CFAP91: variants seen among roughly 807,000 people sequenced by gnomAD.
CFAP91 encodes cilia- and flagella-associated protein 91.
A neutral mutation model predicts 95.9 loss-of-function variants in CFAP91; 85 were observed. The ratio of observed to expected loss-of-function variants is 0.89; its 90% CI spans 0.74 to 1.06. The LOEUF (loss-of-function observed/expected upper bound fraction) is 1.06. Ranked by LOEUF, CFAP91 falls within the 50% of genes least tolerant of loss-of-function variation. The probability of loss-of-function intolerance (pLI) is 0.00; values close to 1 mark genes in which losing one functional copy is unlikely to be tolerated. For missense variants in CFAP91, 962 were observed against 943.4 expected, an observed-to-expected ratio of 1.02 and a Z score of -0.26; for synonymous variants, 335 against 327.5, an observed-to-expected ratio of 1.02 and a Z score of -0.25.
Position 119,730,062 on chromosome 3 carries a change from C to T in CFAP91, c.861-158C>T, listed in dbSNP as rs145757035. 1.1e-3 allele frequency among the ~76,000 whole-genome samples: 170 copies of T among 152,308 alleles called. 1 individual carries two copies. Among genetic ancestry groups the T allele is most frequent in the Non-Finnish European group, 1.9e-3 (126 of 68,032 alleles). The stretch of plus-strand genomic sequence containing the variant: ...AGTCTCTATTGAGTTGCCTCCCCCA[C>T]GCCCTCAATTCATCTGTCATACTTT... On this transcript the variant is annotated intron_variant, in intron 7 of 17. Coordinates refer to ENST00000273390, the MANE Select transcript of CFAP91 (RefSeq NM_033364.4).
At position 119,726,284 on chromosome 3, in the gene CFAP91, A is replaced by G; in HGVS notation, c.796A>G (p.Arg266Gly). Residue 266 changes from arginine to glycine, a missense_variant, in exon 7 of 18, where the codon AGG becomes GGG. Physicochemically the swap from Arg to Gly is moderately radical, Grantham distance 125. Coordinates refer to ENST00000273390, the MANE Select transcript of CFAP91 (RefSeq NM_033364.4). ...ALSDTSQFEKRRKMMNEMERK... is the reference protein window; with the variant it reads ...ALSDTSQFEKGRKMMNEMERK... Reference sequence around the variant, plus strand: ...GAGTGACACCTCCCAGTTTGAGAAGAGGAGGAAAATGATGAATGAAATGGA... The same window carrying G: ...GAGTGACACCTCCCAGTTTGAGAAGGGGAGGAAAATGATGAATGAAATGGA... 6.2e-7 allele frequency: 1 copy of G among 1,613,990 alleles called. No individual in the cohort carries two copies.
chr3:119,716,640 G>T (rs1293588144), intron 6 of CFAP91, among the ~76,000 whole-genome samples: 1 of 152,220 alleles, frequency 6.6e-6, no homozygotes, highest in Admixed American at 6.5e-5. Context: ...AGGCTGGAGT[G>T]CAGTGGTGCG....
At chr3:119,719,792 C>T (rs1395834536) in intron 6 of CFAP91, among the ~76,000 whole-genome samples, 1 of 152,154 alleles carries the variant, frequency 6.6e-6, no homozygotes, top group Non-Finnish European at 1.5e-5. Context: ...CTATGAATAT[C>T]TTTTGCCCTA....
intron 17 of CFAP91, among the ~76,000 whole-genome samples, chr3:119,751,308 CTT>C (rs2054321145): frequency 6.6e-6 from 1 of 152,148 alleles, no homozygotes; most frequent in African/African-American, 2.4e-5. Context: ...CAATTAGACT[CTT>C]GTGATACAAA....
chr3:119,726,600 T>G (rs2053789244), intron 7 of CFAP91, among the ~76,000 whole-genome samples: 1 of 152,214 alleles, frequency 6.6e-6, no homozygotes. Context: ...AAGCTCAGCA[T>G]GGAACCCAGG....
intron 17 of CFAP91, among the ~76,000 whole-genome samples, chr3:119,760,232 G>A (rs13070374): frequency 0.32 from 48,360 of 151,548 alleles, 9,418 homozygotes; most frequent in Non-Finnish European, 0.43. Flanking sequence ...AACAAGTGTA[G>A]CTAAACTTAC....
chr3:119,722,364 C>A (rs1015803238), intron 6 of CFAP91, among the ~76,000 whole-genome samples: 1 of 151,912 alleles, frequency 6.6e-6, no homozygotes, highest in Admixed American at 6.6e-5. Context: ...GAGGCTGAGG[C>A]AGGAGAATCA....
rs890235416 is a variant in CFAP91, at chr3:119,733,369, G to C, written c.1207G>C (p.Val403Leu). 1 of 1,613,984 alleles carries C rather than the reference G, an allele frequency of 6.2e-7. No homozygotes were observed. Residue 403 changes from valine (V) to leucine (L), a missense_variant, in exon 10 of 18, where the codon GTG becomes CTG. By Grantham distance (32) the Val-to-Leu change is conservative. Transcript: ENST00000273390. The stretch of plus-strand genomic sequence containing the variant: ...CATGTGCTTCCTTCCCATAGGATTA[G>C]TGGAACTTGAGTCATGTCTCCCAGA... The part of the protein sequence containing the change: ...NYYLNTYEGL[V>L]ELESCLPDFV...
intron 16 of CFAP91, among the ~76,000 whole-genome samples, chr3:119,749,514 C>A (rs1414369586): frequency 6.6e-6 from 1 of 151,606 alleles, no homozygotes; most frequent in Non-Finnish European, 1.5e-5. Flanking sequence ...CAGAATGAGA[C>A]CCTGTCTAAA....
Position 119,730,601 on chromosome 3 carries a change from A to AGTGTGT in CFAP91, c.1018+268_1018+273dup, listed in dbSNP as rs60453079. Among the ~76,000 whole-genome samples the AGTGTGT allele has an allele frequency of 8.3e-3, 1,143 of 137,164 alleles. 11 individuals carry two copies. Among genetic ancestry groups the AGTGTGT allele is most frequent in the African/African-American group, 0.025 (931 of 36,998 alleles). 90.0% of individuals were successfully genotyped at this position (137,164 alleles called of 152,430 possible). A position where few individuals can be genotyped will look rare whatever the true frequency, so the allele number is the denominator to read the frequency against. On this transcript the variant is annotated intron_variant, in intron 8 of 17. Transcript: ENST00000273390. ...TAACAGGTAGTCGAGTTACTGAGAT[A>AGTGTGT]GTGTGTGTGTGTGTGTGTGTGTGTG...
intron 1 of CFAP91, among the ~76,000 whole-genome samples, chr3:119,705,496 C>T (rs1252610552): frequency 1.3e-5 from 2 of 152,134 alleles, no homozygotes; most frequent in Non-Finnish European, 2.9e-5. Context: ...ATCCTAGGGA[C>T]TTTGCTGTTC....
At chr3:119,750,027 G>A (rs1410781116) in intron 16 of CFAP91, among the ~76,000 whole-genome samples, 2 of 152,044 alleles carry the variant, frequency 1.3e-5, no homozygotes, top group Admixed American at 6.6e-5. Flanking sequence ...CATATGACTT[G>A]CAAATTTGAA....
rs1440969515 is a variant in CFAP91 at position 119,706,795 on chromosome 3, T to G, written c.125-14T>G. On this transcript the variant is annotated splice_polypyrimidine_tract_variant and intron_variant, in intron 1 of 17. Coordinates refer to ENST00000273390, the MANE Select transcript of CFAP91 (RefSeq NM_033364.4). ...TGTTCTATCTGTTATGCTACTTGAT[T>G]GTTTATTTTGCAGATCCATTGTTTA... 3 of 1,601,032 alleles carry G rather than the reference T, an allele frequency of 1.9e-6. No homozygotes were observed. Among genetic ancestry groups the G allele is most frequent in the Non-Finnish European group, 2.6e-6 (3 of 1,168,214 alleles).
At chr3:119,708,450 G>GT in intron 3 of CFAP91, 141 bp from the exon 4 acceptor site, 1 of 607,032 alleles carries the variant, frequency 1.6e-6, no homozygotes. Context: ...TTGTATGGCA[G>GT]TCAAATGCAG....
chr3:119,703,227 G>A lies in CFAP91; in HGVS notation c.124+5G>A, dbSNP rs1207990164. The A allele has an allele frequency of 1.2e-5, 20 of 1,611,424 alleles. No individual in the cohort carries two copies. The highest frequency in any genetic ancestry group is 3.4e-5 in the Admixed American group (2 of 59,636). On this transcript the variant is annotated splice_donor_5th_base_variant and intron_variant, in intron 1 of 17. Coordinates refer to ENST00000273390, the MANE Select transcript of CFAP91 (RefSeq NM_033364.4). ...GAGCGTATGATTTTCTGTACGGTAA[G>A]GACCGCCGCAGACCTTCCTCCGCGT...
chr3:119,718,327 G>A (rs1315560986), intron 6 of CFAP91, among the ~76,000 whole-genome samples: 1 of 152,186 alleles, frequency 6.6e-6, no homozygotes. Flanking sequence ...GAAATAAAGT[G>A]AACTCAATAG....
chr3:119,755,245 G>A lies in CFAP91; in HGVS notation c.*1+4147G>A, dbSNP rs2054403515. Among the ~76,000 whole-genome samples the A allele has an allele frequency of 2.6e-5, 4 of 152,300 alleles. No homozygotes were observed. In the South Asian group the frequency reaches 8.3e-4, roughly 32 times the overall value. ...TTGGTATTGTTGGTATAGAATGAAT[G>A]TACTTTGCATGCAAGAAGAACATGA... On this transcript the variant is annotated intron_variant, in intron 17 of 17. Transcript: ENST00000273390.
chr3:119,730,465 TTC>T (rs2053874020), intron 8 of CFAP91, 88 bp downstream of exon 8: 1 of 1,378,394 alleles, frequency 7.3e-7, no homozygotes, highest in South Asian at 1.4e-5. Flanking sequence ...TATGATATAA[TTC>T]TGTTTTGGTC....
chr3:119,704,573 A>G (rs2053324575), intron 1 of CFAP91, among the ~76,000 whole-genome samples: 2 of 152,232 alleles, frequency 1.3e-5, no homozygotes, highest in African/African-American at 4.8e-5. Flanking sequence ...ATATTTTAGT[A>G]TAAATTTTTG....
Sources: gnomAD v4.1 joint callset for allele counts (sites outside exome capture counted in the v4.1 genomes callset) on GRCh38, gnomAD v4.1.1 for gene constraint, MANE v1.5 for transcripts, NCBI Gene and HGNC (gene_info 2026-07-23, HGNC 2026-07-21) for gene names.